JMY: variants seen among roughly 807,000 people sequenced by gnomAD.
JMY encodes junction mediating and regulatory protein, p53 cofactor, also known as junction-mediating and -regulatory protein.
A neutral mutation model predicts 103.3 loss-of-function variants in JMY; 46 were observed. That is an observed-to-expected ratio of 0.45 (90% CI 0.35 to 0.57). The LOEUF is 0.57. Among genes scored for constraint, JMY ranks in the 20% least tolerant of loss-of-function variants. The pLI is 0.00. For synonymous variants in JMY, 526 were observed against 489.3 expected (o/e 1.07, Z -0.99); for missense variants, 1,238 against 1,255.2 (o/e 0.99, Z 0.21).
intron 3 of JMY, 39 bp from the exon 4 acceptor site, chr5:79,291,089 TTG>T (rs2112098541): frequency 7.1e-7 from 1 of 1,410,716 alleles, no homozygotes; most frequent in Non-Finnish European, 9.5e-7. Context: ...CAGTATTAAG[TTG>T]TTATTTGTCT....
intron 1 of JMY, among the ~76,000 whole-genome samples, chr5:79,275,226 T>G (rs547660722): frequency 6.6e-6 from 1 of 150,442 alleles, no homozygotes; most frequent in African/African-American, 2.5e-5. Context: ...AGTGGCGCGA[T>G]CTCAGCTCAC....
chr5:79,303,806 T>C (rs79037531), intron 6 of JMY, among the ~76,000 whole-genome samples: 2,707 of 152,118 alleles, frequency 0.018, 111 homozygotes, highest in African/African-American at 0.061. Context: ...TGGGAGACTA[T>C]TGGGGCCTTA....
intron 10 of JMY, among the ~76,000 whole-genome samples, chr5:79,319,083 C>G (rs994845411): frequency 4.6e-5 from 7 of 152,174 alleles, no homozygotes; most frequent in South Asian, 2.1e-4. Context: ...AGCAGCTGCT[C>G]AAGTCAGCCT....
intron 1 of JMY, among the ~76,000 whole-genome samples, chr5:79,247,711 G>A (rs1744946492): frequency 1.3e-5 from 2 of 151,558 alleles, no homozygotes; most frequent in African/African-American, 4.8e-5. Flanking sequence ...GGAGTATAGT[G>A]GCACAATCTC....
intron 1 of JMY, among the ~76,000 whole-genome samples, chr5:79,262,369 A>G (rs773777341): frequency 3.4e-4 from 51 of 152,202 alleles, no homozygotes; most frequent in Non-Finnish European, 5.7e-4. Flanking sequence ...ATAACCTGCA[A>G]ATGCCCATAG....
intron 3 of JMY, among the ~76,000 whole-genome samples, chr5:79,290,718 T>G (rs1207628373): frequency 6.6e-6 from 1 of 152,216 alleles, no homozygotes; most frequent in Admixed American, 6.5e-5. Flanking sequence ...CCGGGCACGG[T>G]GGCTCACGCC....
intron 1 of JMY, among the ~76,000 whole-genome samples, chr5:79,245,199 C>T (rs775638275): frequency 3.3e-5 from 5 of 152,022 alleles, no homozygotes; most frequent in African/African-American, 7.2e-5. Context: ...TTTAATGATT[C>T]GGAATTTTAT....
At chr5:79,281,256 G>A (rs1037156413) in intron 2 of JMY, among the ~76,000 whole-genome samples, 1 of 151,512 alleles carries the variant, frequency 6.6e-6, no homozygotes, top group Non-Finnish European at 1.5e-5. Flanking sequence ...GTGTTGGCCA[G>A]GATGGTCTCG....
chr5:79,274,821 T>G (rs1355003523), intron 1 of JMY, among the ~76,000 whole-genome samples: 1 of 152,216 alleles, frequency 6.6e-6, no homozygotes, highest in Admixed American at 6.5e-5. Flanking sequence ...TGGATTCTGT[T>G]ATGTTCCCTC....
chr5:79,272,975 C>T (rs74594839), intron 1 of JMY, among the ~76,000 whole-genome samples: 1 of 152,170 alleles, frequency 6.6e-6, no homozygotes, highest in African/African-American at 2.4e-5. Flanking sequence ...TGTATAGATT[C>T]ATCTCTAACC....
intron 1 of JMY, among the ~76,000 whole-genome samples, chr5:79,258,603 C>T (rs1032477422): frequency 3.9e-5 from 6 of 152,030 alleles, no homozygotes; most frequent in East Asian, 1.9e-4. Flanking sequence ...GGCACTCTGG[C>T]GGTGGTGGGG....
rs1370512897 is a variant in JMY at position 79,312,512 on chromosome 5, T to C, written c.2064+14T>C. 2 of 1,373,668 alleles carry C rather than the reference T, an allele frequency of 1.5e-6. No homozygotes were observed. The highest frequency in any genetic ancestry group is 2.3e-5 in the Admixed American group (1 of 42,830). 85.1% of individuals were successfully genotyped at this position (1,373,668 alleles called of 1,614,324 possible). ...ACATTTAAACAGGTATTAAAAGTAA[T>C]GGTCCATTTATTGTTTTTCTTTTTT... On this transcript the variant is annotated intron_variant, in intron 8 of 10. Transcript: ENST00000396137.
At chr5:79,246,860 C>T (rs13157592) in intron 1 of JMY, among the ~76,000 whole-genome samples, 8,462 of 150,836 alleles carry the variant, frequency 0.056, 537 homozygotes, top group African/African-American at 0.15. Context: ...CTAGCCTGGG[C>T]GACAGAGCAA....
rs1450553850 is a variant in JMY, at chr5:79,237,362, C to T, written c.712C>T (p.Leu238=). The stretch of plus-strand genomic sequence containing the variant: ...GGCCGGACTGTTTTCTTTCCAGGAC[C>T]TGCGCGCCGTGCACCAGCAGCTGTG... The part of the protein sequence containing the change: ...SWAGLFSFQD[L]RAVHQQLCSV... The change falls in exon 1 of 11, where the codon CTG becomes TTG. Residue 238 remains leucine, a synonymous_variant. Transcript: ENST00000396137. 1 of 1,612,554 alleles carries T rather than the reference C, an allele frequency of 6.2e-7. No individual in the cohort carries two copies. Among genetic ancestry groups the T allele is most frequent in the Non-Finnish European group, 8.5e-7 (1 of 1,179,590 alleles).
At chr5:79,311,794 A>G (rs908189368) in intron 7 of JMY, among the ~76,000 whole-genome samples, 2 of 152,088 alleles carry the variant, frequency 1.3e-5, no homozygotes, top group African/African-American at 4.8e-5. Flanking sequence ...TGCTGGTTAT[A>G]TTGGTTGTTG....
rs1014052045 is a variant in JMY, at chr5:79,236,957, G to C, written c.307G>C (p.Gly103Arg). 76 of 1,447,180 alleles carry C rather than the reference G, an allele frequency of 5.3e-5. No homozygotes were observed. The highest frequency in any genetic ancestry group is 6.6e-5 in the Non-Finnish European group (73 of 1,102,438). The allele number at this position is 1,447,180 out of a possible 1,614,324, so 89.6% of individuals were successfully genotyped here. The change falls in exon 1 of 11, where the codon GGG becomes CGG. Residue 103 changes from glycine (G) to arginine (R), a missense_variant. By Grantham distance (125) the Gly-to-Arg change is moderately radical. Transcript: ENST00000396137. ...CTCTGCAACTCTGGTTAGGAGCCCCGGGCCCCGGCGGAGCTCGGCCTGGGC... is the reference window on the plus strand; with the variant it reads ...CTCTGCAACTCTGGTTAGGAGCCCCCGGCCCCGGCGGAGCTCGGCCTGGGC... The part of the protein sequence containing the change: ...TASATLVRSP[G>R]PRRSSAWAEG...
chr5:79,255,765 T>A (rs1745222302), intron 1 of JMY, among the ~76,000 whole-genome samples: 2 of 152,252 alleles, frequency 1.3e-5, no homozygotes, highest in Admixed American at 1.3e-4. Context: ...TTCTCTTCCC[T>A]TACTTTATCC....
chr5:79,306,548 A>C (rs1428098869), intron 7 of JMY, 87 bp downstream of exon 7: 2 of 910,362 alleles, frequency 2.2e-6, no homozygotes, highest in African/African-American at 3.4e-5. Context: ...TGATAAAAAA[A>C]CTTATAACTG....
chr5:79,316,220 C>G lies in JMY; in HGVS notation c.2880C>G (p.Ile960Met). The G allele has an allele frequency of 6.2e-7, 1 of 1,614,072 alleles. No homozygotes were observed. Reference sequence around the variant, plus strand: ...ATACAGACCCTCTAACACGGAGCATCCATGAAGCTCTTAGAAGAATTAAAG... The same window carrying G: ...ATACAGACCCTCTAACACGGAGCATGCATGAAGCTCTTAGAAGAATTAAAG... ...LPDTDPLTRSIHEALRRIKEA... is the reference protein window; with the variant it reads ...LPDTDPLTRSMHEALRRIKEA... Residue 960 changes from isoleucine (I) to methionine (M), a missense_variant, in exon 10 of 11, where the codon ATC becomes ATG. Ile to Met is a conservative substitution (Grantham distance 10, BLOSUM62 1). Coordinates refer to ENST00000396137, the MANE Select transcript of JMY (RefSeq NM_152405.5).
Sources: allele counts gnomAD v4.1 joint callset (sites outside exome capture counted in the v4.1 genomes callset), GRCh38; gene constraint gnomAD v4.1.1; transcripts MANE v1.5; gene names NCBI Gene and HGNC (gene_info 2026-07-23, HGNC 2026-07-21).